BAHD1: variants seen among roughly 807,000 people sequenced by gnomAD.
BAHD1 encodes bromo adjacent homology domain containing 1, also known as bromo adjacent homology domain-containing 1 protein.
A neutral mutation model predicts 63.1 loss-of-function variants in BAHD1; 20 were observed. The ratio of observed to expected loss-of-function variants is 0.32; its 90% CI spans 0.22 to 0.46. The LOEUF (loss-of-function observed/expected upper bound fraction) is 0.46, where lower values mean the gene tolerates loss of function less well. Among genes scored for constraint, BAHD1 ranks in the 20% least tolerant of loss-of-function variants. BAHD1 has a pLI of 1.00. For missense variants in BAHD1, 939 were observed against 1,071.8 expected (o/e 0.88, Z 1.73); for synonymous variants, 408 against 426.8 (o/e 0.96, Z 0.54).
chr15:40,463,793 T>TCC (rs1178123874), intron 3 of BAHD1, 68 bp from the exon 4 acceptor site: 2 of 1,550,420 alleles, frequency 1.3e-6, no homozygotes, highest in African/African-American at 2.7e-5. Flanking sequence ...AGGATGTCAT[T>TCC]CCCTCTCTCT....
intron 2 of BAHD1, 84 bp downstream of exon 2, chr15:40,459,980 G>A (rs141668445): frequency 6.9e-7 from 1 of 1,448,838 alleles, no homozygotes; most frequent in African/African-American, 1.4e-5. Flanking sequence ...CTGAGCAGGG[G>A]TCTCCCTTGG....
At chr15:40,455,580 C>G (rs1893824849) in intron 1 of BAHD1, among the ~76,000 whole-genome samples, 1 of 152,202 alleles carries the variant, frequency 6.6e-6, no homozygotes, top group South Asian at 2.1e-4. Flanking sequence ...GGCCAATCAT[C>G]CCCCTGCTAA....
At chr15:40,465,194 C>T in intron 5 of BAHD1, 141 bp from the exon 6 acceptor site, 5 of 689,422 alleles carry the variant, frequency 7.3e-6, no homozygotes, top group Non-Finnish European at 1.3e-5. Context: ...GTAGGTGAGG[C>T]ATACTTAGGC....
At chr15:40,446,302 C>G (rs534881289) in intron 1 of BAHD1, among the ~76,000 whole-genome samples, 1 of 152,254 alleles carries the variant, frequency 6.6e-6, no homozygotes, top group East Asian at 1.9e-4. Context: ...CAGGGCCAGA[C>G]GGCCTGACAA....
At position 40,459,874 on chromosome 15, in the gene BAHD1, A is replaced by T. The variant is rs1427959036; in HGVS notation, c.1410A>T (p.Pro470=). ...CTGGCACTACCTGTGGCGGCTGCCCATACAAAATGCCTTTTGCAGCAGGTG... is the reference window on the plus strand; with the variant it reads ...CTGGCACTACCTGTGGCGGCTGCCCTTACAAAATGCCTTTTGCAGCAGGTG... ...THAGTTCGGC[P]YKMPFAAEGC... The change falls in exon 2 of 7, where the codon CCA becomes CCT. Residue 470 remains proline (P), a synonymous_variant. Coordinates refer to ENST00000416165, the MANE Select transcript of BAHD1 (RefSeq NM_014952.5). The T allele has an allele frequency of 6.3e-7, 1 of 1,591,764 alleles. No homozygotes were observed. Among genetic ancestry groups the T allele is most frequent in the Admixed American group, 1.7e-5 (1 of 58,468 alleles).
upstream of BAHD1, among the ~76,000 whole-genome samples, chr15:40,439,423 G>A (rs1478905114): frequency 2.0e-5 from 3 of 152,204 alleles, no homozygotes; most frequent in Admixed American, 1.3e-4. Context: ...CTGCCTGGGT[G>A]AGCGCTGGAG....
At chr15:40,461,162 G>A (rs925415563) in intron 2 of BAHD1, among the ~76,000 whole-genome samples, 2 of 152,058 alleles carry the variant, frequency 1.3e-5, no homozygotes, top group African/African-American at 2.4e-5. Context: ...CTATAAAATG[G>A]GTGTAATGAT....
At chr15:40,462,985 TAAAAAC>T (rs1005103732) in intron 3 of BAHD1, among the ~76,000 whole-genome samples, 2 of 150,004 alleles carry the variant, frequency 1.3e-5, no homozygotes, top group African/African-American at 2.5e-5. Flanking sequence ...ATTAATTAAT[TAAAAAC>T]AAAAAGAATA....
rs1894061161 is a variant in BAHD1, at chr15:40,462,076, C to T, written c.1597C>T (p.Arg533Cys). 2 of 1,613,510 alleles carry T rather than the reference C, an allele frequency of 1.2e-6. No homozygotes were observed. The highest frequency in any genetic ancestry group is 1.7e-6 in the Non-Finnish European group (2 of 1,180,024). ...CACCTCGGAGCCCCAGACAGTAGCC[C>T]GTGCGTGCCCTCAGAGCGCCAAACC... ...TPTSEPQTVA[R>C]ACPQSAKPPS... is the part of the protein sequence containing the mutation. The change falls in exon 3 of 7, where the codon CGT becomes TGT. Residue 533 changes from arginine to cysteine, a missense_variant. By Grantham distance (180) the Arg-to-Cys change is radical. Transcript: ENST00000416165.
At chr15:40,443,411 T>G (rs1893455942) in intron 1 of BAHD1, 1 of 742,126 alleles carries the variant, frequency 1.3e-6, no homozygotes, top group African/African-American at 1.9e-5. Context: ...ATGATGAATC[T>G]CAAGGCCTTT....
chr15:40,468,217 T>G lies in BAHD1; in HGVS notation c.*2087T>G, dbSNP rs1327029991. 5 of 152,480 alleles carry G rather than the reference T, an allele frequency of 3.3e-5. No individual in the cohort carries two copies. The highest frequency in any genetic ancestry group is 9.7e-5 in the African/African-American group (4 of 41,392). The allele number at this position is 152,480 out of a possible 1,614,324, so 9.4% of individuals were successfully genotyped here. A position where few individuals can be genotyped will look rare whatever the true frequency, so the allele number is the denominator to read the frequency against. On this transcript the variant is annotated 3_prime_UTR_variant, in exon 7 of 7. Transcript: ENST00000416165. ...TAAGAAAAAAATAAATTTGAGAAAT[T>G]GTATTGATTTAGAAAAGGATCGTTT... is the stretch of plus-strand genomic sequence containing the variant.
chr15:40,463,830 A>G, intron 3 of BAHD1, 31 bp from the exon 4 acceptor site: 1 of 1,612,628 alleles, frequency 6.2e-7, no homozygotes, highest in Non-Finnish European at 8.5e-7. Flanking sequence ...TGGCTCTGCA[A>G]GCCTATTTGT....
Position 40,462,176 on chromosome 15 carries a change from G to A in BAHD1, c.1697G>A (p.Arg566Lys). 1 of 1,612,338 alleles carries A rather than the reference G, an allele frequency of 6.2e-7. No individual in the cohort carries two copies. The highest frequency in any genetic ancestry group is 8.5e-7 in the Non-Finnish European group (1 of 1,179,942). ...RHTARSKAAR[R>K]PSHPKQPRVQ... is the part of the protein sequence containing the mutation. ...ACTGCAAGGAGCAAGGCTGCCCGCA[G>A]GCCTAGCCACCCCAAGCAGCCACGT... Residue 566 changes from arginine (R) to lysine (K), a missense_variant, in exon 3 of 7, where the codon AGG (arginine) becomes AAG (lysine). Around this residue, in one of 5 missense-constraint regions of BAHD1, gnomAD observed 797 missense variants for 813.3 expected, o/e 0.98. Coordinates refer to ENST00000416165, the MANE Select transcript of BAHD1 (RefSeq NM_014952.5).
intron 1 of BAHD1, among the ~76,000 whole-genome samples, chr15:40,455,646 G>A (rs564729450): frequency 7.2e-5 from 11 of 152,316 alleles, no homozygotes; most frequent in Middle Eastern, 3.4e-3. Flanking sequence ...TTTCCCAGCC[G>A]CCTTCTCCTT....
chr15:40,443,920 C>A (rs1244535197), intron 1 of BAHD1, among the ~76,000 whole-genome samples: 1 of 152,146 alleles, frequency 6.6e-6, no homozygotes, highest in African/African-American at 2.4e-5. Flanking sequence ...TCACTGCTGC[C>A]GCTCCCCTTC....
Position 40,464,021 on chromosome 15 carries a change from G to GAGAGC in BAHD1, c.1975+1_1975+2insAGAGC. 6.2e-7 allele frequency: 1 copy of GAGAGC among 1,613,942 alleles called. No homozygotes were observed. The highest frequency in any genetic ancestry group is 2.2e-5 in the East Asian group (1 of 44,878). The stretch of plus-strand genomic sequence containing the variant: ...GCCCTCTGGGAGAACCCCGAGTCAG[G>GAGAGC]TACCTCTCCCTCTGGCTGGGGACCC... On this transcript the variant is annotated splice_donor_variant, in intron 4 of 6. Transcript: ENST00000416165. LOFTEE classifies it high-confidence loss of function.
upstream of BAHD1, among the ~76,000 whole-genome samples, chr15:40,440,334 G>A (rs1021277230): frequency 8.5e-5 from 13 of 152,170 alleles, no homozygotes; most frequent in Non-Finnish European, 1.6e-4. Context: ...AAGGGCGGGA[G>A]GGGCTTCTCA....
At chr15:40,456,224 C>T (rs1566962052) in intron 1 of BAHD1, among the ~76,000 whole-genome samples, 2 of 152,080 alleles carry the variant, frequency 1.3e-5, no homozygotes, top group South Asian at 2.1e-4. Flanking sequence ...ATGATCCATC[C>T]GCCTGGGCCT....
intron 1 of BAHD1, among the ~76,000 whole-genome samples, chr15:40,450,998 C>T (rs1034238543): frequency 6.6e-6 from 1 of 151,660 alleles, no homozygotes; most frequent in Admixed American, 6.6e-5. Context: ...ATTAGCTGGG[C>T]GTGGTGGTGG....
Sources: gnomAD v4.1 joint callset for allele counts (sites outside exome capture counted in the v4.1 genomes callset) on GRCh38, gnomAD v4.1.1 for gene constraint, gnomAD v4.1.1 regional missense constraint, MANE v1.5 for transcripts, NCBI Gene and HGNC (gene_info 2026-07-23, HGNC 2026-07-21) for gene names.